The following BIN1 variants were observed in gnomAD, a reference collection of about 807,000 sequenced individuals.
BIN1 encodes bridging integrator 1.
BIN1 carries 53 observed loss-of-function variants against 82.0 expected under a neutral mutation model. That is an observed-to-expected ratio of 0.65 (90% CI 0.52 to 0.81). The LOEUF is 0.81. Among genes scored for constraint, BIN1 ranks in the 40% least tolerant of loss-of-function variants. The pLI is 0.00. For missense variants in BIN1, 642 were observed against 784.4 expected, an observed-to-expected ratio of 0.82 and a Z score of 2.17; for synonymous variants, 302 against 328.0, an observed-to-expected ratio of 0.92 and a Z score of 0.86.
intron 11 of BIN1, 80 bp downstream of exon 11, chr2:127,058,931 G>A (rs936427137): frequency 1.2e-5 from 18 of 1,534,164 alleles, no homozygotes; most frequent in Non-Finnish European, 1.5e-5. Flanking sequence ...GGACAGAGGA[G>A]TGGGAGGATG....
chr2:127,068,813 A>C lies in BIN1; in HGVS notation c.519+111T>G. 2.8e-6 allele frequency: 3 copies of C among 1,073,980 alleles called. No individual in the cohort carries two copies. The highest frequency in any genetic ancestry group is 4.2e-6 in the Non-Finnish European group (3 of 707,610). The allele number at this position is 1,073,980 out of a possible 1,614,324, so 66.5% of individuals were successfully genotyped here. On this transcript the variant is annotated intron_variant, in intron 6 of 18. Transcript: ENST00000316724. This position sits in a 1 kb window ranked among gnomAD's most constrained non-coding sequence, Gnocchi z 4.9. ...TGGGCCCTGTATCGTCCCCACCCCC[A>C]GTTCAGCCACCTGGGGCCAGGCAGG...
At position 127,068,271 on chromosome 2, in the gene BIN1, C is replaced by T; in HGVS notation, c.520-16G>A. The T allele has an allele frequency of 3.7e-6, 6 of 1,604,896 alleles. No homozygotes were observed. Among genetic ancestry groups the T allele is most frequent in the Non-Finnish European group, 5.1e-6 (6 of 1,176,314 alleles). Reference sequence around the variant, plus strand: ...GCGAGACAGGCTGGGGTGGGGAGGTCAAGGCAAAGGAAGGTGGAGAGACCA... The same window carrying T: ...GCGAGACAGGCTGGGGTGGGGAGGTTAAGGCAAAGGAAGGTGGAGAGACCA... On this transcript the variant is annotated splice_polypyrimidine_tract_variant and intron_variant, in intron 6 of 18. Transcript: ENST00000316724. The surrounding 1 kb of genome is among the most constrained non-coding windows in gnomAD (Gnocchi z 4.9).
intron 1 of BIN1, among the ~76,000 whole-genome samples, chr2:127,097,243 G>T (rs887491712): frequency 1.3e-5 from 2 of 152,192 alleles, no homozygotes; most frequent in Non-Finnish European, 2.9e-5. Context: ...AGGGTGAGCG[G>T]ATCCACTGAT....
In BIN1 at chr2:127,062,097, G is replaced by T; in HGVS notation, c.857+18C>A. 16 of 1,593,376 alleles carry T rather than the reference G, an allele frequency of 1.0e-5. No individual in the cohort carries two copies. The highest frequency in any genetic ancestry group is 1.1e-5 in the Non-Finnish European group (13 of 1,170,580). ...CCGTGCACACAGTCAGGGGCGCCAG[G>T]GCTCTCCCCGCACGCACCTGGGCTG... On this transcript the variant is annotated intron_variant, in intron 10 of 18. Transcript: ENST00000316724.
At chr2:127,055,109 C>T (rs1683472590) in intron 12 of BIN1, 1 of 148,694 alleles carries the variant, frequency 6.7e-6, no homozygotes, top group Non-Finnish European at 1.5e-5. Context: ...TCCAGCCCCG[C>T]AGCCCAGGCC....
At chr2:127,072,570 G>C (rs928478227) in intron 2 of BIN1, among the ~76,000 whole-genome samples, 25 of 152,080 alleles carry the variant, frequency 1.6e-4, no homozygotes, top group African/African-American at 5.8e-4. Flanking sequence ...ACATCCACAG[G>C]GGGAGCTTCA....
chr2:127,069,101 C>T, intron 5 of BIN1, 70 bp from the exon 6 acceptor site: 1 of 1,463,204 alleles, frequency 6.8e-7, no homozygotes, highest in Non-Finnish European at 9.5e-7. Flanking sequence ...CCAGTGGATC[C>T]TGGAGGGACC....
chr2:127,072,921 T>TG (rs766635571), intron 2 of BIN1, among the ~76,000 whole-genome samples: 2 of 152,204 alleles, frequency 1.3e-5, no homozygotes, highest in Non-Finnish European at 2.9e-5. Flanking sequence ...GTGTTCATGA[T>TG]GGGATGCTAT....
chr2:127,048,730 C>G (rs1180970460), intron 18 of BIN1, 97 bp from the exon 19 acceptor site: 1 of 1,185,968 alleles, frequency 8.4e-7, no homozygotes, highest in Non-Finnish European at 1.2e-6. Context: ...ACGGCCCCTC[C>G]TCCTGCTGTT....
intron 7 of BIN1, among the ~76,000 whole-genome samples, chr2:127,066,586 A>C (rs1316860885): frequency 6.6e-6 from 1 of 151,974 alleles, no homozygotes; most frequent in East Asian, 1.9e-4. Context: ...GGGCATACCC[A>C]CTCCAGCCCC....
intron 1 of BIN1, among the ~76,000 whole-genome samples, chr2:127,077,787 G>A (rs1026225434): frequency 1.3e-5 from 2 of 152,194 alleles, no homozygotes; most frequent in African/African-American, 2.4e-5. Context: ...GGACACACCC[G>A]TCTGCAGCCA....
chr2:127,063,820 C>T (rs975858622), intron 8 of BIN1, 113 bp downstream of exon 8: 118 of 1,467,750 alleles, frequency 8.0e-5, no homozygotes, highest in African/African-American at 1.8e-4. Context: ...CACCGCAGCA[C>T]GCAGACTGGA....
chr2:127,091,151 T>C (rs1265686187), intron 1 of BIN1, among the ~76,000 whole-genome samples: 1 of 152,230 alleles, frequency 6.6e-6, no homozygotes, highest in Non-Finnish European at 1.5e-5. Context: ...TCATTTCTGC[T>C]ATTCAAAGGA....
chr2:127,101,873 C>A (rs1258502133), intron 1 of BIN1, among the ~76,000 whole-genome samples: 3 of 152,098 alleles, frequency 2.0e-5, no homozygotes, highest in Non-Finnish European at 4.4e-5. Flanking sequence ...CAACCCCAGG[C>A]TCAGGAGGGA....
rs1685409403 is a variant in BIN1 at position 127,068,303 on chromosome 2, T to G, written c.520-48A>C. 1 of 1,482,440 alleles carries G rather than the reference T, an allele frequency of 6.7e-7. No individual in the cohort carries two copies. Among genetic ancestry groups the G allele is most frequent in the African/African-American group, 1.4e-5 (1 of 70,012 alleles). The allele number at this position is 1,482,440 out of a possible 1,614,324, so 91.8% of individuals were successfully genotyped here. A position where few individuals can be genotyped will look rare whatever the true frequency, so the allele number is the denominator to read the frequency against. On this transcript the variant is annotated intron_variant, in intron 6 of 18. Coordinates refer to ENST00000316724, the MANE Select transcript of BIN1 (RefSeq NM_139343.3). The surrounding 1 kb of genome is among the most constrained non-coding windows in gnomAD (Gnocchi z 4.9). ...AAGGAAGGTGGAGAGACCAGGGAGG[T>G]GGGGAGAGAGAAACAGAGACACACA...
intron 1 of BIN1, among the ~76,000 whole-genome samples, chr2:127,089,250 A>C (rs927111393): frequency 6.6e-6 from 1 of 152,130 alleles, no homozygotes; most frequent in African/African-American, 2.4e-5. Flanking sequence ...CCCCAGGACC[A>C]CAGAGGCCCC....
chr2:127,096,203 A>G (rs1041548802), intron 1 of BIN1, among the ~76,000 whole-genome samples: 1 of 151,974 alleles, frequency 6.6e-6, no homozygotes, highest in African/African-American at 2.4e-5. Flanking sequence ...GTCAAAGGAG[A>G]GCTGACTTCT....
intron 1 of BIN1, among the ~76,000 whole-genome samples, chr2:127,103,926 GC>G (rs1412726206): frequency 6.6e-6 from 1 of 152,258 alleles, no homozygotes; most frequent in African/African-American, 2.4e-5. Flanking sequence ...CATTCCGGGG[GC>G]AGTGGCCAGG....
rs2276575 is a variant in BIN1, at chr2:127,076,560, T to C, written c.165+66A>G. ...TCTCGTACTCCACAAATTCAGCTCG[T>C]GCCATTTTTCACCTGGCAGCCGAAT... On this transcript the variant is annotated intron_variant, in intron 2 of 18. Transcript: ENST00000316724. 258,056 of 1,570,810 alleles carry C rather than the reference T, an allele frequency of 0.16. 22,333 individuals carry two copies. The highest frequency in any genetic ancestry group is 0.24 in the South Asian group (21,660 of 90,218).
Sources: gnomAD v4.1 joint callset for allele counts (sites outside exome capture counted in the v4.1 genomes callset) on GRCh38, gnomAD v4.1.1 for gene constraint, Gnocchi (gnomAD v3.1) non-coding constraint, MANE v1.5 for transcripts, NCBI Gene and HGNC (gene_info 2026-07-23, HGNC 2026-07-21) for gene names.